KHDRBS2: variants seen among roughly 807,000 people sequenced by gnomAD.
KHDRBS2 encodes KH domain-containing, RNA-binding, signal transduction-associated protein 2.
KHDRBS2 carries 26 observed loss-of-function variants against 44.3 expected under a neutral mutation model. The ratio of observed to expected loss-of-function variants is 0.59; its 90% CI spans 0.43 to 0.81. The LOEUF is 0.81. KHDRBS2 is among the 40% of genes least tolerant of loss of function. The pLI is 0.00. For missense variants in KHDRBS2, 476 were observed against 433.1 expected (o/e 1.10, Z -0.88); for synonymous variants, 194 against 151.1 (o/e 1.28, Z -2.08).
intron 1 of KHDRBS2, among the ~76,000 whole-genome samples, chr6:62,200,266 A>T (rs1190782825): frequency 2.0e-5 from 3 of 152,202 alleles, no homozygotes; most frequent in African/African-American, 7.2e-5. Flanking sequence ...GCTTCTGCAC[A>T]GCAAAAGAAA....
the KHDRBS2 span, among the ~76,000 whole-genome samples, chr6:61,574,814 C>T: frequency 5.3e-5 from 8 of 151,984 alleles, no homozygotes; most frequent in Middle Eastern, 3.4e-3. Context: ...GAGGCTGAGG[C>T]GAGATAATTG....
intron 6 of KHDRBS2, among the ~76,000 whole-genome samples, chr6:61,789,748 A>C (rs189923902): frequency 6.6e-6 from 1 of 151,538 alleles, no homozygotes; most frequent in African/African-American, 2.4e-5. Context: ...AGAGTTTCAG[A>C]CTTTGGTTAG....
At chr6:61,752,671 CA>C (rs56410130) in intron 6 of KHDRBS2, among the ~76,000 whole-genome samples, 66 of 111,306 alleles carry the variant, frequency 5.9e-4, no homozygotes, top group South Asian at 1.2e-3. Context: ...TTGTGGTATA[CA>C]AAAAAAAAAA....
intron 3 of KHDRBS2, among the ~76,000 whole-genome samples, chr6:61,981,273 A>G (rs1314917367): frequency 6.6e-6 from 1 of 152,206 alleles, no homozygotes; most frequent in African/African-American, 2.4e-5. Context: ...CTCTGTTAAA[A>G]CAACAAAGTT....
intron 6 of KHDRBS2, among the ~76,000 whole-genome samples, chr6:61,868,024 G>A (rs2127300149): frequency 1.3e-5 from 2 of 152,252 alleles, no homozygotes; most frequent in South Asian, 4.2e-4. Flanking sequence ...GATCAGCTTG[G>A]ACTCTCCAAG....
chr6:62,092,904 A>C (rs1456610059), intron 2 of KHDRBS2, among the ~76,000 whole-genome samples: 1 of 152,100 alleles, frequency 6.6e-6, no homozygotes, highest in African/African-American at 2.4e-5. Context: ...TGAGATATTT[A>C]GATAAAACCA....
At chr6:61,876,885 C>A (rs1799482488) in intron 6 of KHDRBS2, among the ~76,000 whole-genome samples, 1 of 151,934 alleles carries the variant, frequency 6.6e-6, no homozygotes, top group African/African-American at 2.4e-5. Context: ...GCCATCATTG[C>A]CGAAATATGT....
chr6:62,142,721 G>A (rs1813106444), intron 2 of KHDRBS2, among the ~76,000 whole-genome samples: 1 of 151,948 alleles, frequency 6.6e-6, no homozygotes, highest in East Asian at 1.9e-4. Flanking sequence ...TCAGCTATAT[G>A]TGTATACTTT....
intron 7 of KHDRBS2, among the ~76,000 whole-genome samples, chr6:61,715,003 A>T (rs1181221434): frequency 6.6e-6 from 1 of 151,950 alleles, no homozygotes; most frequent in Non-Finnish European, 1.5e-5. Context: ...ATCTATGCAT[A>T]GAAGAAATTA....
At chr6:62,087,458 AAAAG>A (rs1270965758) in intron 2 of KHDRBS2, among the ~76,000 whole-genome samples, 4 of 152,130 alleles carry the variant, frequency 2.6e-5, no homozygotes, top group Non-Finnish European at 5.9e-5. Flanking sequence ...TATGAAAAAT[AAAAG>A]ATAGAAATGA....
At chr6:61,575,801 C>T in the KHDRBS2 span, among the ~76,000 whole-genome samples, 1 of 152,106 alleles carries the variant, frequency 6.6e-6, no homozygotes, top group Non-Finnish European at 1.5e-5. Context: ...ATGGCATCTG[C>T]AGCAACCTGG....
At chr6:61,637,237 TG>T in the KHDRBS2 span, among the ~76,000 whole-genome samples, 1 of 146,890 alleles carries the variant, frequency 6.8e-6, no homozygotes, top group East Asian at 2.2e-4. Flanking sequence ...CCTGTGGCCA[TG>T]TGTTCTCATT....
intron 7 of KHDRBS2, among the ~76,000 whole-genome samples, chr6:61,719,920 C>T (rs1209577634): frequency 2.6e-5 from 4 of 152,086 alleles, no homozygotes; most frequent in Non-Finnish European, 5.9e-5. Flanking sequence ...CAGTGCTATG[C>T]CTCCCGCCTC....
chr6:61,571,546 C>A, the KHDRBS2 span, among the ~76,000 whole-genome samples: 3 of 151,840 alleles, frequency 2.0e-5, no homozygotes, highest in Non-Finnish European at 2.9e-5. Context: ...TGAAACTATA[C>A]CCTAGAAAAA....
At chr6:61,598,842 T>C in the KHDRBS2 span, among the ~76,000 whole-genome samples, 5 of 142,622 alleles carry the variant, frequency 3.5e-5, no homozygotes, top group Admixed American at 6.9e-5. Context: ...CTTTTCTTTT[T>C]TTTTTTTTTT....
At chr6:61,954,267 GCATAGAAATGTGCGTGTGTCTACA>G (rs1765436039) in intron 4 of KHDRBS2, among the ~76,000 whole-genome samples, 1 of 151,562 alleles carries the variant, frequency 6.6e-6, no homozygotes, top group South Asian at 2.1e-4. Context: ...GTGTATGCCT[GCATAGAAATGTGCGTGTGTCTACA>G]TATACACATA....
At chr6:61,948,575 G>A (rs1350426307) in intron 4 of KHDRBS2, among the ~76,000 whole-genome samples, 1 of 151,622 alleles carries the variant, frequency 6.6e-6, no homozygotes, top group East Asian at 1.9e-4. Flanking sequence ...CTTATAAAAT[G>A]AGATTGTAAT....
intron 6 of KHDRBS2, among the ~76,000 whole-genome samples, chr6:61,871,832 C>G (rs1436310925): frequency 2.0e-5 from 3 of 152,012 alleles, no homozygotes; most frequent in African/African-American, 7.2e-5. Flanking sequence ...ACCAGGCCTG[C>G]CTTACAAGAG....
the KHDRBS2 span, among the ~76,000 whole-genome samples, chr6:61,548,938 G>T: frequency 5.6e-3 from 847 of 152,150 alleles, 19 homozygotes; most frequent in Middle Eastern, 3.4e-3. Context: ...ACGTCAGTTT[G>T]GTAGCTTAAA....
Sources: allele counts gnomAD v4.1 joint callset (sites outside exome capture counted in the v4.1 genomes callset), GRCh38; gene constraint gnomAD v4.1.1; transcripts MANE v1.5; gene names NCBI Gene and HGNC (gene_info 2026-07-23, HGNC 2026-07-21).